CDH4: variants seen among roughly 807,000 people sequenced by gnomAD.
CDH4 encodes the protein cadherin 4, also known as cadherin-4.
Under a neutral mutation model 86.0 loss-of-function variants are expected in CDH4, and 33 were observed. The ratio of observed to expected loss-of-function variants is 0.38; its 90% confidence interval spans 0.29 to 0.51. CDH4 has a LOEUF of 0.51. Among genes scored for constraint, CDH4 ranks in the 20% least tolerant of loss-of-function variants. The pLI, the probability that CDH4 is intolerant of heterozygous loss-of-function variation, is 0.86. For missense variants in CDH4, 1,114 were observed against 1,307.4 expected (o/e 0.85, Z 2.28); for synonymous variants, 555 against 549.4 (o/e 1.01, Z -0.14).
chr20:61,814,114 C>G (rs1980589664), intron 4 of CDH4, among the ~76,000 whole-genome samples: 1 of 152,228 alleles, frequency 6.6e-6, no homozygotes, highest in Non-Finnish European at 1.5e-5. Flanking sequence ...GTACGGGGAG[C>G]AGGTCCCCAC....
chr20:61,319,822 C>G (rs1007575863), intron 2 of CDH4, among the ~76,000 whole-genome samples: 1 of 151,400 alleles, frequency 6.6e-6, no homozygotes, highest in Non-Finnish European at 1.5e-5. Flanking sequence ...GGCGTGGTGT[C>G]AGGCACCTGT....
intron 2 of CDH4, among the ~76,000 whole-genome samples, chr20:61,465,996 G>C (rs542599555): frequency 1.3e-5 from 2 of 152,016 alleles, no homozygotes; most frequent in Non-Finnish European, 2.9e-5. Context: ...GAATGGCCAG[G>C]CAATGAGATT....
intron 2 of CDH4, among the ~76,000 whole-genome samples, chr20:61,696,768 C>G (rs1397212808): frequency 2.0e-5 from 3 of 152,164 alleles, no homozygotes; most frequent in South Asian, 4.1e-4. Flanking sequence ...CATGTCCTCA[C>G]CCCCAGAACC....
intron 2 of CDH4, among the ~76,000 whole-genome samples, chr20:61,571,492 C>G (rs894223092): frequency 6.6e-6 from 1 of 152,170 alleles, no homozygotes; most frequent in African/African-American, 2.4e-5. Flanking sequence ...CAGAGCACGG[C>G]AGGTGCCCCA....
chr20:61,871,513 G>A (rs2064262979), intron 6 of CDH4, among the ~76,000 whole-genome samples: 1 of 152,230 alleles, frequency 6.6e-6, no homozygotes, highest in Admixed American at 6.5e-5. Flanking sequence ...CTCTGCGCGT[G>A]TGTTAGGACT....
At chr20:61,680,384 C>T (rs568020369) in intron 2 of CDH4, among the ~76,000 whole-genome samples, 198 of 152,318 alleles carry the variant, frequency 1.3e-3, no homozygotes, top group African/African-American at 2.8e-3. Flanking sequence ...CTCCTGCCTC[C>T]GTGACCTTGC....
chr20:61,732,437 C>G (rs1332152903), intron 2 of CDH4, among the ~76,000 whole-genome samples: 1 of 152,146 alleles, frequency 6.6e-6, no homozygotes, highest in Non-Finnish European at 1.5e-5. Context: ...CCCCATCCCT[C>G]CCTGCCTCCT....
At chr20:61,896,273 G>C (rs980152530) in intron 8 of CDH4, among the ~76,000 whole-genome samples, 7 of 152,208 alleles carry the variant, frequency 4.6e-5, no homozygotes, top group African/African-American at 1.7e-4. Flanking sequence ...GAGAGGGGAA[G>C]GGATGGGGTC....
chr20:61,558,117 T>C (rs1056650185), intron 2 of CDH4, among the ~76,000 whole-genome samples: 4 of 152,214 alleles, frequency 2.6e-5, no homozygotes, highest in Admixed American at 1.3e-4. Flanking sequence ...AATGTGATCA[T>C]ATCAGACTTG....
intron 2 of CDH4, among the ~76,000 whole-genome samples, chr20:61,524,258 T>C (rs893147489): frequency 6.6e-6 from 1 of 152,148 alleles, no homozygotes; most frequent in African/African-American, 2.4e-5. Context: ...ACAGTCACTC[T>C]CGAGTCATTT....
intron 2 of CDH4, among the ~76,000 whole-genome samples, chr20:61,485,155 C>T (rs2085589054): frequency 6.6e-6 from 1 of 152,162 alleles, no homozygotes; most frequent in South Asian, 2.1e-4. Flanking sequence ...AGTCAGCACC[C>T]CTGTTCCATT....
rs191665951 is a variant in CDH4, at chr20:61,374,136, T to C, written c.169+119199T>C. Among the ~76,000 whole-genome samples, 90 of 152,298 alleles carry C rather than the reference T, an allele frequency of 5.9e-4. 1 individual carries two copies. The highest frequency in any genetic ancestry group is 3.4e-3 in the Middle Eastern group (1 of 294). On this transcript the variant is annotated intron_variant, in intron 2 of 15. Coordinates refer to ENST00000614565, the MANE Select transcript of CDH4 (RefSeq NM_001794.5). ...ACAGAGCTGGCACTGAGCTTGGGGC[T>C]TGTAGGTTGGCAGTAGCACCTATAG...
intron 4 of CDH4, among the ~76,000 whole-genome samples, chr20:61,832,368 G>A (rs534101647): frequency 6.6e-6 from 1 of 152,326 alleles, no homozygotes; most frequent in Admixed American, 6.5e-5. Flanking sequence ...TGTATTAACG[G>A]CACTGCCTTG....
At chr20:61,763,040 A>G (rs1337883432) in intron 3 of CDH4, among the ~76,000 whole-genome samples, 2 of 152,212 alleles carry the variant, frequency 1.3e-5, no homozygotes, top group Non-Finnish European at 2.9e-5. Context: ...TTCAGATGCT[A>G]AGGACATGTC....
chr20:61,437,586 G>C (rs1160275678), intron 2 of CDH4: 1 of 152,224 alleles, frequency 6.6e-6, no homozygotes, highest in East Asian at 1.9e-4. Flanking sequence ...CAGGGAGGGA[G>C]ATGCTGGCTG....
intron 6 of CDH4, among the ~76,000 whole-genome samples, chr20:61,857,285 C>T (rs1983062447): frequency 6.6e-6 from 1 of 152,232 alleles, no homozygotes; most frequent in South Asian, 2.1e-4. Context: ...GCGTTCCCAC[C>T]GAGGCCTTCG....
chr20:61,580,122 CAA>C (rs112380204), intron 2 of CDH4, among the ~76,000 whole-genome samples: 3,072 of 139,520 alleles, frequency 0.022, 70 homozygotes, highest in African/African-American at 0.058. Context: ...TACACTGCTA[CAA>C]AAAAAAAAAA....
chr20:61,450,390 A>C (rs921216158), intron 2 of CDH4, among the ~76,000 whole-genome samples: 4 of 152,194 alleles, frequency 2.6e-5, no homozygotes, highest in African/African-American at 9.6e-5. Flanking sequence ...AGTTCTCCCA[A>C]ACTGTTCTCC....
At chr20:61,505,763 A>G (rs1212156227) in intron 2 of CDH4, among the ~76,000 whole-genome samples, 2 of 151,630 alleles carry the variant, frequency 1.3e-5, no homozygotes, top group Non-Finnish European at 3.0e-5. Flanking sequence ...CTTCACTCCC[A>G]GGACGCTAAT....
Sources: gnomAD v4.1 joint callset for allele counts (sites outside exome capture counted in the v4.1 genomes callset) on GRCh38, gnomAD v4.1.1 for gene constraint, MANE v1.5 for transcripts, NCBI Gene and HGNC (gene_info 2026-07-23, HGNC 2026-07-21) for gene names.